The following TENM2 variants were observed in gnomAD, a reference collection of about 807,000 sequenced individuals.
TENM2 encodes the protein teneurin-2.
Under a neutral mutation model 245.2 loss-of-function variants are expected in TENM2, and 52 were observed. The observed-to-expected ratio is 0.21, with a 90% CI of 0.17 to 0.27. The LOEUF (loss-of-function observed/expected upper bound fraction) is 0.27. TENM2 is among the 10% of genes least tolerant of loss of function. The pLI, the probability that TENM2 is intolerant of heterozygous loss-of-function variation, is 1.00. For synonymous variants in TENM2, 1,363 were observed against 1,438.9 expected, an observed-to-expected ratio of 0.95 and a Z score of 1.19; for missense variants, 3,046 against 3,666.8, an observed-to-expected ratio of 0.83 and a Z score of 4.37.
chr5:167,683,659 T>A (rs1041609535), intron 2 of TENM2, among the ~76,000 whole-genome samples: 1 of 152,082 alleles, frequency 6.6e-6, no homozygotes. Flanking sequence ...GACCTGAAAT[T>A]TATGTTTCTC....
chr5:167,089,165 T>C, the TENM2 span, among the ~76,000 whole-genome samples: 1 of 152,252 alleles, frequency 6.6e-6, no homozygotes, highest in African/African-American at 2.4e-5. Flanking sequence ...ATGTTATAAA[T>C]AGTGCTCAGG....
chr5:167,648,859 G>C (rs1780149588), intron 2 of TENM2, among the ~76,000 whole-genome samples: 1 of 152,184 alleles, frequency 6.6e-6, no homozygotes, highest in African/African-American at 2.4e-5. Context: ...TTTGTTCTGA[G>C]GAACTTTCAG....
At chr5:167,455,664 G>GTTCAT in intron 2 of TENM2, among the ~76,000 whole-genome samples, 1 of 152,066 alleles carries the variant, frequency 6.6e-6, no homozygotes, top group Admixed American at 6.6e-5. Flanking sequence ...GATCATTCAA[G>GTTCAT]TTCATTTGGC....
chr5:167,723,516 G>C (rs1010833216), intron 2 of TENM2, among the ~76,000 whole-genome samples: 1 of 152,118 alleles, frequency 6.6e-6, no homozygotes, highest in Non-Finnish European at 1.5e-5. Flanking sequence ...CATTTCACTC[G>C]AGATACAAGC....
intron 15 of TENM2, among the ~76,000 whole-genome samples, chr5:168,198,187 C>A (rs1463647725): frequency 7.0e-6 from 1 of 143,678 alleles, no homozygotes; most frequent in Non-Finnish European, 1.5e-5. Flanking sequence ...GCCAATGAAC[C>A]CTTTTTTTTT....
chr5:167,373,556 A>T (rs1299551987), intron 1 of TENM2, among the ~76,000 whole-genome samples: 1 of 152,212 alleles, frequency 6.6e-6, no homozygotes, highest in East Asian at 1.9e-4. Flanking sequence ...TACATCAGTA[A>T]GTAGAGTGGA....
chr5:168,072,673 T>G (rs1791119700), intron 7 of TENM2, among the ~76,000 whole-genome samples: 1 of 152,174 alleles, frequency 6.6e-6, no homozygotes, highest in African/African-American at 2.4e-5. Flanking sequence ...ATGAAGTGTT[T>G]CCGGATGAGT....
the TENM2 span, among the ~76,000 whole-genome samples, chr5:167,199,097 T>TAAAAAAAAAAAAAAAAAA: frequency 2.5e-5 from 2 of 79,320 alleles, no homozygotes; most frequent in African/African-American, 4.5e-5. Context: ...TGATATGAAG[T>TAAAAAAAAAAAAAAAAAA]AAAAAAAAAA....
At chr5:167,223,219 C>T in the TENM2 span, among the ~76,000 whole-genome samples, 8 of 151,978 alleles carry the variant, frequency 5.3e-5, no homozygotes, top group Admixed American at 4.6e-4. Context: ...TTGAAAGATA[C>T]GATACATTGT....
intron 5 of TENM2, among the ~76,000 whole-genome samples, chr5:168,020,243 G>A (rs767840249): frequency 2.6e-5 from 4 of 152,144 alleles, no homozygotes; most frequent in East Asian, 1.9e-4. Flanking sequence ...GGTGACACCC[G>A]AGACTTCTTT....
At chr5:167,370,341 CAAAAAAA>C (rs35067759) in intron 1 of TENM2, among the ~76,000 whole-genome samples, 10 of 73,488 alleles carry the variant, frequency 1.4e-4, no homozygotes, top group African/African-American at 4.2e-4. Context: ...GACTCCGTCT[CAAAAAAA>C]AAAAAAAAAA....
Position 168,218,882 on chromosome 5 carries a change from A to G in TENM2, c.4991A>G (p.Asn1664Ser), listed in dbSNP as rs1167923743. ...ATCATCACCCTCACCGTGGGCACCA[A>G]TGGAGGCCTCAAAGTCGTGTCCACA... The change falls in exon 23 of 29, where the codon AAT becomes AGT. Residue 1664 changes from asparagine to serine, a missense_variant. Asn to Ser is a conservative substitution (Grantham distance 46). Coordinates refer to ENST00000518659, the Ensembl canonical transcript of TENM2. This position sits in a 1 kb window ranked among gnomAD's most constrained non-coding sequence, Gnocchi z 5.2. 5.0e-6 allele frequency: 8 copies of G among 1,613,864 alleles called. No individual in the cohort carries two copies. Among genetic ancestry groups the G allele is most frequent in the Non-Finnish European group, 1.7e-6 (2 of 1,179,894 alleles).
At position 167,420,412 on chromosome 5, in the gene TENM2, G is replaced by A. The variant is rs1581992030; in HGVS notation, c.502+44939G>A. Among the ~76,000 whole-genome samples the A allele has an allele frequency of 3.9e-5, 6 of 152,238 alleles. 1 individual carries two copies. The highest frequency in any genetic ancestry group is 3.9e-4 in the Admixed American group (6 of 15,288). ...CTGGTAATAAGTATGATGGCAAGTGGAGTGGAGTGGGCTTTACACCCTTCT... is the reference window on the plus strand; with the variant it reads ...CTGGTAATAAGTATGATGGCAAGTGAAGTGGAGTGGGCTTTACACCCTTCT... On this transcript the variant is annotated intron_variant, in intron 2 of 28. Coordinates refer to ENST00000518659, the Ensembl canonical transcript of TENM2.
intron 2 of TENM2, among the ~76,000 whole-genome samples, chr5:167,737,720 T>C (rs1201285899): frequency 3.3e-5 from 5 of 152,186 alleles, no homozygotes; most frequent in Non-Finnish European, 4.4e-5. Flanking sequence ...TCAGGGCTGT[T>C]GATGTAGCAC....
intron 2 of TENM2, among the ~76,000 whole-genome samples, chr5:167,862,043 A>G (rs942000019): frequency 6.6e-6 from 1 of 152,030 alleles, no homozygotes; most frequent in Non-Finnish European, 1.5e-5. Context: ...AACATTTCAC[A>G]CTCTTTAAAG....
intron 2 of TENM2, among the ~76,000 whole-genome samples, chr5:167,715,613 T>C (rs944077779): frequency 1.3e-5 from 2 of 152,212 alleles, no homozygotes; most frequent in Admixed American, 1.3e-4. Flanking sequence ...CTAGGGACAA[T>C]AAGACTAAGC....
intron 3 of TENM2, among the ~76,000 whole-genome samples, chr5:167,945,955 C>G (rs1346724055): frequency 2.6e-5 from 4 of 152,136 alleles, no homozygotes; most frequent in Non-Finnish European, 5.9e-5. Flanking sequence ...CTCCTCCACT[C>G]TGAAATGTGG....
At chr5:167,000,220 A>T in the TENM2 span, among the ~76,000 whole-genome samples, 7 of 152,224 alleles carry the variant, frequency 4.6e-5, no homozygotes, top group Non-Finnish European at 8.8e-5. Flanking sequence ...AGGGATCCCT[A>T]TCTAGAGAAA....
At chr5:167,597,462 G>A (rs375189722) in intron 2 of TENM2, among the ~76,000 whole-genome samples, 2 of 152,154 alleles carry the variant, frequency 1.3e-5, no homozygotes, top group South Asian at 4.1e-4. Flanking sequence ...GATTACAGGC[G>A]TGAGCCACCA....
Sources: allele counts gnomAD v4.1 joint callset (sites outside exome capture counted in the v4.1 genomes callset), GRCh38; gene constraint gnomAD v4.1.1; non-coding constraint Gnocchi (gnomAD v3.1); transcripts MANE v1.5; gene names NCBI Gene and HGNC (gene_info 2026-07-23, HGNC 2026-07-21).